Variants in RANGRF observed in about 807,000 individuals in gnomAD.
RANGRF encodes MOG1 homolog.
RANGRF carries 17 observed loss-of-function variants against 21.8 expected under a neutral mutation model. That is an observed-to-expected ratio of 0.78 (90% CI 0.53 to 1.17). The LOEUF (loss-of-function observed/expected upper bound fraction) is 1.17. RANGRF is among the 50% of genes most tolerant of loss of function. The pLI is 0.00. For synonymous variants in RANGRF, 97 were observed against 94.3 expected (o/e 1.03, Z -0.17); for missense variants, 225 against 235.5 (o/e 0.96, Z 0.29).
chr17:8,289,840 C>T lies in RANGRF; in HGVS notation c.465C>T (p.Pro155=), dbSNP rs762346321. 5.8e-5 allele frequency: 93 copies of T among 1,613,988 alleles called. No homozygotes were observed. The highest frequency in any genetic ancestry group is 7.3e-5 in the Non-Finnish European group (86 of 1,180,052). Residue 155 remains proline (P), a synonymous_variant, in exon 5 of 5, where the codon CCC becomes CCT. Coordinates refer to ENST00000226105, the MANE Select transcript of RANGRF (RefSeq NM_016492.5). ...CTGACAACAGGTCATCTCTTGGCCC[C>T]GAAAATCTGTCACCTGCACCCTGGA... is the stretch of plus-strand genomic sequence containing the variant. The part of the protein sequence containing the change: ...PPPDNRSSLG[P]ENLSPAPWSL...
At position 8,289,830 on chromosome 17, in the gene RANGRF, C is replaced by G; in HGVS notation, c.455C>G (p.Ser152Cys). Residue 152 changes from serine (S) to cysteine (C), a missense_variant, in exon 5 of 5, where the codon TCT becomes TGT. Coordinates refer to ENST00000226105, the MANE Select transcript of RANGRF (RefSeq NM_016492.5). ...FNQPPPDNRS[S>C]LGPENLSPAP... ...ACCCCAAGCCCTGACAACAGGTCAT[C>G]TCTTGGCCCCGAAAATCTGTCACCT... The G allele has an allele frequency of 6.2e-7, 1 of 1,614,082 alleles. No homozygotes were observed. The highest frequency in any genetic ancestry group is 8.5e-7 in the Non-Finnish European group (1 of 1,180,030).
Position 8,289,040 on chromosome 17 carries a change from G to A in RANGRF, c.162G>A (p.Leu54=), listed in dbSNP as rs1597440357. The A allele has an allele frequency of 3.1e-6, 5 of 1,613,942 alleles. No individual in the cohort carries two copies. The highest frequency in any genetic ancestry group is 1.6e-4 in the Middle Eastern group (1 of 6,062). The change falls in exon 2 of 5, where the codon CTG becomes CTA. Residue 54 remains leucine (L), a synonymous_variant. Coordinates refer to ENST00000226105, the MANE Select transcript of RANGRF (RefSeq NM_016492.5). The part of the protein sequence containing the change: ...DQSLIVELLE[L]QAHVRGEAAA... ...GCCTGATAGTGGAACTTCTCGAGCT[G>A]CAGGCCCACGTACGGGGCGAAGCGG... is the stretch of plus-strand genomic sequence containing the variant.
rs765614285 is a variant in RANGRF, at chr17:8,289,022, A to G, written c.144A>G (p.Ile48Met). ...ATCCCGTGACGGACCAGAGCCTGAT[A>G]GTGGAACTTCTCGAGCTGCAGGCCC... ...FCHPVTDQSL[I>M]VELLELQAHV... The change falls in exon 2 of 5, where the codon ATA (isoleucine) becomes ATG (methionine). Residue 48 changes from isoleucine (I) to methionine (M), a missense_variant. Ile to Met is a conservative substitution (Grantham distance 10). Transcript: ENST00000226105. 2.5e-6 allele frequency: 4 copies of G among 1,613,970 alleles called. No individual in the cohort carries two copies. The highest frequency in any genetic ancestry group is 3.4e-6 in the Non-Finnish European group (4 of 1,180,032).
Position 8,288,736 on chromosome 17 carries a change from C to A in RANGRF, c.-53C>A. ...CCCAGGGAGCCGATGCCACGTGACC[C>A]AATGTGGACTTCTTTTAAACCTTTC... is the stretch of plus-strand genomic sequence containing the variant. On this transcript the variant is annotated 5_prime_UTR_variant, in exon 1 of 5. Coordinates refer to ENST00000226105, the MANE Select transcript of RANGRF (RefSeq NM_016492.5). 1 of 1,591,890 alleles carries A rather than the reference C, an allele frequency of 6.3e-7. No individual in the cohort carries two copies. Among genetic ancestry groups the A allele is most frequent in the South Asian group, 1.1e-5 (1 of 90,618 alleles).
chr17:8,289,720 CTGATA>C, intron 4 of RANGRF, 88 bp from the exon 5 acceptor site: 2 of 1,613,816 alleles, frequency 1.2e-6, no homozygotes, highest in South Asian at 1.1e-5. Flanking sequence ...TTTGGGGTAA[CTGATA>C]CCCAGGTCCT....
intron 4 of RANGRF, 63 bp downstream of exon 4, chr17:8,289,651 G>T (rs776722389): frequency 6.2e-7 from 1 of 1,605,590 alleles, no homozygotes; most frequent in South Asian, 1.1e-5. Flanking sequence ...GGGCTGGGAG[G>T]GACAGAACAG....
At position 8,289,006 on chromosome 17, in the gene RANGRF, C is replaced by T. The variant is rs769218673; in HGVS notation, c.128C>T (p.Thr43Met). The T allele has an allele frequency of 3.7e-6, 6 of 1,614,034 alleles. No individual in the cohort carries two copies. The Admixed American group carries it at 6.7e-5, about 18-fold the overall frequency. The change falls in exon 2 of 5, where the codon ACG becomes ATG. Residue 43 changes from threonine (T) to methionine (M), a missense_variant. Coordinates refer to ENST00000226105, the MANE Select transcript of RANGRF (RefSeq NM_016492.5). ...CAAGAAGTTTTCTGCCATCCCGTGA[C>T]GGACCAGAGCCTGATAGTGGAACTT... ...DNQEVFCHPV[T>M]DQSLIVELLE...
intron 3 of RANGRF, 44 bp downstream of exon 3, chr17:8,289,458 G>C: frequency 6.2e-7 from 1 of 1,614,142 alleles, no homozygotes; most frequent in East Asian, 2.2e-5. Flanking sequence ...GGCGGTAGCG[G>C]GGACGCAGAG....
rs1990360241 is a variant in RANGRF, at chr17:8,290,003, G to A, written c.*67G>A. On this transcript the variant is annotated 3_prime_UTR_variant, in exon 5 of 5. Coordinates refer to ENST00000226105, the MANE Select transcript of RANGRF (RefSeq NM_016492.5). ...CTCGGTTCTGTGAGGGGGAAAAGAG[G>A]TTGAAAAGAGGGTTTCCTCTTATTT... The A allele has an allele frequency of 9.3e-6, 15 of 1,608,902 alleles. No individual in the cohort carries two copies. Among genetic ancestry groups the A allele is most frequent in the Non-Finnish European group, 1.3e-5 (15 of 1,175,890 alleles).
In RANGRF at chr17:8,289,021, T is replaced by C. The variant is rs1322326186; in HGVS notation, c.143T>C (p.Ile48Thr). 6.2e-7 allele frequency: 1 copy of C among 1,613,954 alleles called. No individual in the cohort carries two copies. The highest frequency in any genetic ancestry group is 1.3e-5 in the African/African-American group (1 of 74,946). The change falls in exon 2 of 5, where the codon ATA becomes ACA. Residue 48 changes from isoleucine (I) to threonine (T), a missense_variant. Coordinates refer to ENST00000226105, the MANE Select transcript of RANGRF (RefSeq NM_016492.5). ...FCHPVTDQSL[I>T]VELLELQAHV... ...CATCCCGTGACGGACCAGAGCCTGA[T>C]AGTGGAACTTCTCGAGCTGCAGGCC...
rs766205178 is a variant in RANGRF at position 8,289,252 on chromosome 17, C to T, written c.195-6C>T. 5.6e-6 allele frequency: 9 copies of T among 1,613,368 alleles called. No individual in the cohort carries two copies. The highest frequency in any genetic ancestry group is 7.6e-6 in the Non-Finnish European group (9 of 1,179,976). On this transcript the variant is annotated splice_polypyrimidine_tract_variant and splice_region_variant and intron_variant, in intron 2 of 4. Transcript: ENST00000226105. ...GTCCCTTCCTGACCCCGCTTCCCTA[C>T]TCCAGGTACCACTTTGAGGATGTTG...
chr17:8,289,842 A>G lies in RANGRF; in HGVS notation c.467A>G (p.Glu156Gly), dbSNP rs757709708. Residue 156 changes from glutamate to glycine, a missense_variant, in exon 5 of 5, where the codon GAA becomes GGA. Coordinates refer to ENST00000226105, the MANE Select transcript of RANGRF (RefSeq NM_016492.5). ...GACAACAGGTCATCTCTTGGCCCCG[A>G]AAATCTGTCACCTGCACCCTGGAGC... ...PPDNRSSLGP[E>G]NLSPAPWSLG... 5 of 1,614,086 alleles carry G rather than the reference A, an allele frequency of 3.1e-6. No individual in the cohort carries two copies. The highest frequency in any genetic ancestry group is 4.2e-6 in the Non-Finnish European group (5 of 1,180,014).
intron 2 of RANGRF, 68 bp from the exon 3 acceptor site, chr17:8,289,190 G>A: frequency 6.2e-7 from 1 of 1,603,906 alleles, no homozygotes; most frequent in African/African-American, 1.3e-5. Flanking sequence ...AGCCAGGCCT[G>A]CAACTTAAAG....
In RANGRF at chr17:8,289,531, C is replaced by T. The variant is rs531873691; in HGVS notation, c.380C>T (p.Ala127Val). The change falls in exon 4 of 5, where the codon GCC (alanine) becomes GTC (valine). Residue 127 changes from alanine (A) to valine (V), a missense_variant. Transcript: ENST00000226105. ...QVAKDVTLHQ[A>V]LLRLPQYQTD... ...GCAAAGGACGTGACACTTCATCAGG[C>T]CTTGCTGAGGCTGCCCCAGTACCAG... 4 of 1,614,188 alleles carry T rather than the reference C, an allele frequency of 2.5e-6. No homozygotes were observed. Among genetic ancestry groups the T allele is most frequent in the Non-Finnish European group, 1.7e-6 (2 of 1,180,030 alleles).
At position 8,289,871 on chromosome 17, in the gene RANGRF, G is replaced by A. The variant is rs753414980; in HGVS notation, c.496G>A (p.Gly166Ser). The stretch of plus-strand genomic sequence containing the variant: ...TCTGTCACCTGCACCCTGGAGCCTG[G>A]GTGACTTTGAACAGCTGGTGACCAG... ...ENLSPAPWSL[G>S]DFEQLVTSLT... Residue 166 changes from glycine (G) to serine (S), a missense_variant, in exon 5 of 5, where the codon GGT becomes AGT. Physicochemically the swap from Gly to Ser is moderately conservative, Grantham distance 56. Coordinates refer to ENST00000226105, the MANE Select transcript of RANGRF (RefSeq NM_016492.5). 3.7e-6 allele frequency: 6 copies of A among 1,613,986 alleles called. No homozygotes were observed. Among genetic ancestry groups the A allele is most frequent in the Admixed American group, 1.7e-5 (1 of 59,998 alleles).
At chr17:8,289,465 A>T in intron 3 of RANGRF, 38 bp from the exon 4 acceptor site, 1 of 1,614,182 alleles carries the variant, frequency 6.2e-7, no homozygotes, top group Non-Finnish European at 8.5e-7. Context: ...GCGGGGACGC[A>T]GAGATCCAGG....
chr17:8,289,696 G>A (rs1990328173), intron 4 of RANGRF, 108 bp downstream of exon 4: 1 of 1,610,538 alleles, frequency 6.2e-7, no homozygotes, highest in African/African-American at 1.3e-5. Flanking sequence ...AAGGAAGCAG[G>A]AGTGGGCCAG....
chr17:8,289,151 C>A, intron 2 of RANGRF, 79 bp downstream of exon 2: 1 of 1,601,630 alleles, frequency 6.2e-7, no homozygotes, highest in Non-Finnish European at 8.5e-7. Context: ...GACGGTTAAT[C>A]CGGGCGGTGA....
At chr17:8,289,726 C>G in intron 4 of RANGRF, 87 bp from the exon 5 acceptor site, 1 of 1,613,886 alleles carries the variant, frequency 6.2e-7, no homozygotes, top group Non-Finnish European at 8.5e-7. Context: ...GTAACTGATA[C>G]CCAGGTCCTC....
Sources: gnomAD v4.1 joint callset for allele counts on GRCh38, gnomAD v4.1.1 for gene constraint, MANE v1.5 for transcripts, NCBI Gene and HGNC (gene_info 2026-07-23, HGNC 2026-07-21) for gene names.